PHACTR1: variants seen among roughly 807,000 people sequenced by gnomAD.
PHACTR1 encodes the protein RPEL repeat containing 1.
A neutral mutation model predicts 69.2 loss-of-function variants in PHACTR1; 16 were observed. That is an observed-to-expected ratio of 0.23 (90% confidence interval 0.16 to 0.35). The LOEUF is 0.35. PHACTR1 is among the 10% of genes least tolerant of loss of function. The probability of loss-of-function intolerance (pLI) is 1.00; values close to 1 mark genes in which losing one functional copy is unlikely to be tolerated. For synonymous variants in PHACTR1, 312 were observed against 284.5 expected (o/e 1.10, Z -0.97); for missense variants, 510 against 734.7 (o/e 0.69, Z 3.54).
chr6:12,799,249 A>T (rs1004622194), intron 4 of PHACTR1, among the ~76,000 whole-genome samples: 1 of 152,160 alleles, frequency 6.6e-6, no homozygotes, highest in African/African-American at 2.4e-5. Context: ...ATCATGATCT[A>T]CGGATAGGAT....
intron 10 of PHACTR1, among the ~76,000 whole-genome samples, chr6:13,263,607 T>C (rs143762388): frequency 1.5e-3 from 232 of 152,358 alleles, no homozygotes; most frequent in Non-Finnish European, 2.8e-3. Flanking sequence ...AAACATTTAA[T>C]TTTGGATGAT....
intron 4 of PHACTR1, among the ~76,000 whole-genome samples, chr6:12,769,094 G>T (rs1314648028): frequency 1.1e-4 from 17 of 151,954 alleles, no homozygotes; most frequent in Admixed American, 1.1e-3. Context: ...CAATGGGGAG[G>T]ACTGGGAGAG....
At chr6:13,038,611 T>C (rs1803700451) in intron 4 of PHACTR1, among the ~76,000 whole-genome samples, 3 of 152,170 alleles carry the variant, frequency 2.0e-5, no homozygotes, top group African/African-American at 7.2e-5. Flanking sequence ...TAGCACTTGA[T>C]GTTCTGCCAC....
chr6:13,102,272 C>G (rs1815287022), intron 5 of PHACTR1, among the ~76,000 whole-genome samples: 1 of 152,198 alleles, frequency 6.6e-6, no homozygotes, highest in African/African-American at 2.4e-5. Context: ...GACTAATCAT[C>G]AGAATTCAAC....
intron 5 of PHACTR1, among the ~76,000 whole-genome samples, chr6:13,124,378 T>C (rs917003932): frequency 6.6e-6 from 1 of 152,222 alleles, no homozygotes; most frequent in South Asian, 2.1e-4. Flanking sequence ...AATAACTATG[T>C]ATGTTCCCTA....
At chr6:12,861,409 G>C (rs1351290243) in intron 4 of PHACTR1, among the ~76,000 whole-genome samples, 6 of 152,196 alleles carry the variant, frequency 3.9e-5, no homozygotes, top group Non-Finnish European at 8.8e-5. Context: ...GTCTTCCTTA[G>C]ACTAGGACAT....
intron 4 of PHACTR1, among the ~76,000 whole-genome samples, chr6:12,830,133 G>GAAAGAAAGAAAGAAAGAAAAGA (rs1554146502): frequency 7.0e-5 from 10 of 143,348 alleles, no homozygotes; most frequent in African/African-American, 1.3e-4. Context: ...AAGAAAGAAA[G>GAAAGAAAGAAAGAAAGAAAAGA]AAAGAAAGAA....
chr6:12,935,909 G>A (rs1457290733), intron 4 of PHACTR1, among the ~76,000 whole-genome samples: 3 of 151,912 alleles, frequency 2.0e-5, no homozygotes, highest in South Asian at 2.1e-4. Flanking sequence ...GCATTGAACC[G>A]GGCAGTCATC....
At chr6:12,801,456 A>AT (rs1210283159) in intron 4 of PHACTR1, among the ~76,000 whole-genome samples, 1 of 152,240 alleles carries the variant, frequency 6.6e-6, no homozygotes, top group African/African-American at 2.4e-5. Flanking sequence ...GAGCAAGTTC[A>AT]TAAGGGGCCA....
chr6:13,080,449 A>C (rs939595714), intron 5 of PHACTR1, among the ~76,000 whole-genome samples: 14 of 152,192 alleles, frequency 9.2e-5, no homozygotes, highest in Admixed American at 7.9e-4. Flanking sequence ...CTTTTCATTG[A>C]TTAGTTCATT....
At chr6:12,806,636 C>CT (rs549548409) in intron 4 of PHACTR1, among the ~76,000 whole-genome samples, 87 of 150,718 alleles carry the variant, frequency 5.8e-4, no homozygotes, top group Non-Finnish European at 1.0e-3. Context: ...GTTTTAAAAC[C>CT]TTTTTTTTTA....
chr6:12,936,159 T>A (rs911342782), intron 4 of PHACTR1, among the ~76,000 whole-genome samples: 13 of 152,078 alleles, frequency 8.5e-5, no homozygotes, highest in African/African-American at 3.1e-4. Context: ...CCAAATCCCT[T>A]ATGTTACTTT....
chr6:12,723,398 C>A (rs1762373008), intron 3 of PHACTR1, among the ~76,000 whole-genome samples: 2 of 151,988 alleles, frequency 1.3e-5, no homozygotes, highest in African/African-American at 4.8e-5. Context: ...TTAACAAAAT[C>A]TCCAGGTAAT....
chr6:13,042,428 G>C (rs1294829570), intron 4 of PHACTR1, among the ~76,000 whole-genome samples: 1 of 152,186 alleles, frequency 6.6e-6, no homozygotes, highest in Non-Finnish European at 1.5e-5. Context: ...TAGGATCCTA[G>C]GGTTCATTAG....
chr6:12,808,729 G>A (rs909660329), intron 4 of PHACTR1, among the ~76,000 whole-genome samples: 1 of 151,922 alleles, frequency 6.6e-6, no homozygotes, highest in Non-Finnish European at 1.5e-5. Flanking sequence ...TGATAAAATA[G>A]TAGTGATTTT....
At chr6:13,091,753 G>A (rs2127829911) in intron 5 of PHACTR1, among the ~76,000 whole-genome samples, 1 of 152,248 alleles carries the variant, frequency 6.6e-6, no homozygotes, top group Admixed American at 6.5e-5. Flanking sequence ...ATTCTCATAA[G>A]AAGCGGGCAA....
rs148240967 is a variant in PHACTR1, at chr6:12,737,801, G to T, written c.104-11843G>T. 1.8e-3 allele frequency among the ~76,000 whole-genome samples: 267 copies of T among 151,994 alleles called. 1 individual carries two copies. Among genetic ancestry groups the T allele is most frequent in the African/African-American group, 6.2e-3 (259 of 41,454 alleles). Reference sequence around the variant, plus strand: ...TATAGAAACAAAGTTTCATTATGTTGTACAGGCTGGTCTCAAACTCCTGGC... The same window carrying T: ...TATAGAAACAAAGTTTCATTATGTTTTACAGGCTGGTCTCAAACTCCTGGC... On this transcript the variant is annotated intron_variant, in intron 3 of 14. Transcript: ENST00000332995.
chr6:12,840,861 A>G (rs1225949540), intron 4 of PHACTR1, among the ~76,000 whole-genome samples: 1 of 152,222 alleles, frequency 6.6e-6, no homozygotes, highest in Admixed American at 6.5e-5. Flanking sequence ...TGAAGGAAGT[A>G]TTTAAGTGAT....
chr6:13,262,090 T>C (rs1775994417), intron 10 of PHACTR1, among the ~76,000 whole-genome samples: 1 of 152,144 alleles, frequency 6.6e-6, no homozygotes, highest in African/African-American at 2.4e-5. Flanking sequence ...CTGTATGGGC[T>C]GGAGGAGGAC....
Sources: gnomAD v4.1 joint callset for allele counts (sites outside exome capture counted in the v4.1 genomes callset) on GRCh38, gnomAD v4.1.1 for gene constraint, MANE v1.5 for transcripts, NCBI Gene and HGNC (gene_info 2026-07-23, HGNC 2026-07-21) for gene names.